The following CD9 variants were observed in gnomAD, a reference collection of about 807,000 sequenced individuals.
CD9 encodes the protein CD9 antigen.
Under a neutral mutation model 31.4 loss-of-function variants are expected in CD9, and 10 were observed. The observed-to-expected ratio is 0.32, with a 90% CI of 0.20 to 0.54. CD9 has a LOEUF of 0.54. Among genes scored for constraint, CD9 ranks in the 20% least tolerant of loss-of-function variants. The pLI, the probability that CD9 is intolerant of heterozygous loss-of-function variation, is 0.94. For missense variants in CD9, 259 were observed against 300.1 expected (o/e 0.86, Z 1.01); for synonymous variants, 113 against 114.1 (o/e 0.99, Z 0.06).
intron 1 of CD9, among the ~76,000 whole-genome samples, chr12:6,208,335 G>A (rs770705114): frequency 6.6e-6 from 1 of 152,010 alleles, no homozygotes; most frequent in Non-Finnish European, 1.5e-5. Context: ...CTCCTGCCAA[G>A]CCCTCTCCTC....
chr12:6,226,623 T>A (rs2136627199), intron 2 of CD9, among the ~76,000 whole-genome samples: 1 of 152,278 alleles, frequency 6.6e-6, no homozygotes, highest in South Asian at 2.1e-4. Flanking sequence ...TTGCGTAACA[T>A]TTGAGCCCTG....
chr12:6,223,067 G>A (rs1240982348), intron 1 of CD9, among the ~76,000 whole-genome samples: 2 of 152,236 alleles, frequency 1.3e-5, no homozygotes, highest in Non-Finnish European at 2.9e-5. Flanking sequence ...AGCATCACAA[G>A]ACCAGGGCGA....
chr12:6,211,650 G>A (rs11568212), intron 1 of CD9, among the ~76,000 whole-genome samples: 1 of 152,204 alleles, frequency 6.6e-6, no homozygotes, highest in Admixed American at 6.5e-5. Flanking sequence ...ACAGCTCGGC[G>A]AGGCATACAC....
chr12:6,218,611 A>G (rs1946264427), intron 1 of CD9, among the ~76,000 whole-genome samples: 1 of 152,106 alleles, frequency 6.6e-6, no homozygotes, highest in Non-Finnish European at 1.5e-5. Flanking sequence ...GCTCCGTTAC[A>G]CTTTGATGTT....
chr12:6,227,865 G>A (rs1439276015), intron 2 of CD9, among the ~76,000 whole-genome samples: 9 of 152,308 alleles, frequency 5.9e-5, no homozygotes, highest in African/African-American at 2.2e-4. Context: ...AGAAACCCCT[G>A]CGTCGGTGGC....
intron 2 of CD9, among the ~76,000 whole-genome samples, chr12:6,225,921 T>G (rs956279020): frequency 6.6e-6 from 1 of 152,150 alleles, no homozygotes; most frequent in Admixed American, 6.5e-5. Context: ...GGATCTGCAG[T>G]GCTGGAAGAA....
chr12:6,222,498 A>G (rs1565424087), intron 1 of CD9, among the ~76,000 whole-genome samples: 1 of 152,170 alleles, frequency 6.6e-6, no homozygotes, highest in Non-Finnish European at 1.5e-5. Context: ...AGCTTTGACA[A>G]CCAAGCCGCA....
chr12:6,230,321 T>C (rs1946427186), intron 2 of CD9, among the ~76,000 whole-genome samples: 2 of 152,346 alleles, frequency 1.3e-5, no homozygotes, highest in Admixed American at 6.5e-5. Context: ...CTAGCATGAA[T>C]ATTTAATATT....
Position 6,236,332 on chromosome 12 carries a change from C to G in CD9, c.621+57C>G, listed in dbSNP as rs1946524108. 4.8e-6 allele frequency: 7 copies of G among 1,469,876 alleles called. No homozygotes were observed. The East Asian group carries it at 1.6e-4, about 33-fold the overall frequency. The allele number at this position is 1,469,876 out of a possible 1,614,324, so 91.1% of individuals were successfully genotyped here. On this transcript the variant is annotated intron_variant, in intron 7 of 7. Coordinates refer to ENST00000009180, the MANE Select transcript of CD9 (RefSeq NM_001769.4). ...ACTGAGGAGTTCACATTGATTCAGCCCATGCTCTACCCAGACACCGCCGCA... is the reference window on the plus strand; with the variant it reads ...ACTGAGGAGTTCACATTGATTCAGCGCATGCTCTACCCAGACACCGCCGCA...
chr12:6,211,076 T>A (rs1441449907), intron 1 of CD9, among the ~76,000 whole-genome samples: 1 of 152,118 alleles, frequency 6.6e-6, no homozygotes, highest in Non-Finnish European at 1.5e-5. Context: ...GACCTTGTGA[T>A]CCTCCCGCCT....
At position 6,232,692 on chromosome 12, in the gene CD9, G is replaced by A. The variant is rs1472166055; in HGVS notation, c.236G>A (p.Cys79Tyr). 6.3e-7 allele frequency: 1 copy of A among 1,577,162 alleles called. No individual in the cohort carries two copies. The highest frequency in any genetic ancestry group is 1.2e-5 in the South Asian group (1 of 86,516). The change falls in exon 3 of 8, where the codon TGC (cysteine) becomes TAC (tyrosine). Residue 79 changes from cysteine (C) to tyrosine (Y), a missense_variant. Transcript: ENST00000009180. The surrounding 1 kb of genome is among the most constrained non-coding windows in gnomAD (Gnocchi z 4.8). The stretch of plus-strand genomic sequence containing the variant: ...ATGCTGGTGGGCTTCCTGGGCTGCT[G>A]CGGGGCTGTGCAGGAGTCCCAGTGC... ...LMMLVGFLGC[C>Y]GAVQESQCML...
chr12:6,237,387 GA>G lies in CD9; in HGVS notation c.622-366del, dbSNP rs768020275. 6.8e-5 allele frequency among the ~76,000 whole-genome samples: 10 copies of G among 146,320 alleles called. No homozygotes were observed. The South Asian group carries it at 8.7e-4, about 13-fold the overall frequency. On this transcript the variant is annotated intron_variant, in intron 7 of 7. Transcript: ENST00000009180. ...AACAGAGCAAGACTCCATCTCAAAA[GA>G]AAAAAAAAAGAGTATTAAATAACAT...
chr12:6,221,469 G>A (rs1407421480), intron 1 of CD9, among the ~76,000 whole-genome samples: 1 of 152,166 alleles, frequency 6.6e-6, no homozygotes, highest in Admixed American at 6.5e-5. Flanking sequence ...ATGATAGGCT[G>A]GGGTGGGGCA....
At chr12:6,204,552 GTCTC>G (rs1946110054) in intron 1 of CD9, among the ~76,000 whole-genome samples, 1 of 152,202 alleles carries the variant, frequency 6.6e-6, no homozygotes, top group South Asian at 2.1e-4. Flanking sequence ...CCTGGGTGGG[GTCTC>G]TCTCAGGGGT....
At position 6,237,899 on chromosome 12, in the gene CD9, GTT is replaced by G; in HGVS notation, c.*74_*75del. The G allele has an allele frequency of 8.4e-7, 1 of 1,191,764 alleles. No homozygotes were observed. The highest frequency in any genetic ancestry group is 1.3e-5 in the South Asian group (1 of 78,860). The allele number at this position is 1,191,764 out of a possible 1,614,324, so 73.8% of individuals were successfully genotyped here. ...GTGGGATTTTTTGTTTGTTTGTTTT[GTT>G]TTGTTTGTTGTTTGTTGTTTGTTTT... On this transcript the variant is annotated 3_prime_UTR_variant, in exon 8 of 8. Transcript: ENST00000009180.
At chr12:6,235,890 AT>A in intron 6 of CD9, 1 of 1,368,520 alleles carries the variant, frequency 7.3e-7, no homozygotes, top group Non-Finnish European at 9.4e-7. Flanking sequence ...GCCAGAGTTA[AT>A]GTCCAACTCC....
chr12:6,213,765 G>T (rs1169060193), intron 1 of CD9, among the ~76,000 whole-genome samples: 1 of 152,082 alleles, frequency 6.6e-6, no homozygotes, highest in Non-Finnish European at 1.5e-5. Context: ...GCTTCCCAGG[G>T]ACCACCACCT....
chr12:6,237,896 T>G lies in CD9; in HGVS notation c.*68T>G. ...TTGGTGGGATTTTTTGTTTGTTTGT[T>G]TTGTTTTGTTTGTTGTTTGTTGTTT... On this transcript the variant is annotated 3_prime_UTR_variant, in exon 8 of 8. Transcript: ENST00000009180. 8.4e-7 allele frequency: 1 copy of G among 1,196,106 alleles called. No individual in the cohort carries two copies. Among genetic ancestry groups the G allele is most frequent in the Non-Finnish European group, 1.2e-6 (1 of 807,426 alleles). 74.1% of individuals were successfully genotyped at this position (1,196,106 alleles called of 1,614,324 possible).
chr12:6,218,993 A>G (rs964622481), intron 1 of CD9, among the ~76,000 whole-genome samples: 7 of 152,032 alleles, frequency 4.6e-5, no homozygotes, highest in Non-Finnish European at 7.4e-5. Flanking sequence ...ACAGCAATGC[A>G]TGGGTTGTTT....
Sources: gnomAD v4.1 joint callset for allele counts (sites outside exome capture counted in the v4.1 genomes callset) on GRCh38, gnomAD v4.1.1 for gene constraint, Gnocchi (gnomAD v3.1) non-coding constraint, MANE v1.5 for transcripts, NCBI Gene and HGNC (gene_info 2026-07-23, HGNC 2026-07-21) for gene names.